CLDN14: variants seen among roughly 807,000 people sequenced by gnomAD.
CLDN14 encodes the protein claudin 14, also known as claudin-14.
In CLDN14, 2 loss-of-function variants were observed where a neutral mutation model predicts 2.1. The observed-to-expected ratio is 0.96, with a 90% CI of 0.39 to 3.01. CLDN14 has a LOEUF of 3.01. Ranked by LOEUF, CLDN14 falls within the 30% of genes most tolerant of loss-of-function variation. The pLI, the probability that CLDN14 is intolerant of heterozygous loss-of-function variation, is 0.09. For missense variants in CLDN14, 298 were observed against 328.0 expected (o/e 0.91, Z 0.71); for synonymous variants, 136 against 154.4 (o/e 0.88, Z 0.88).
chr21:36,560,113 A>G (rs924824626), intron 1 of CLDN14, among the ~76,000 whole-genome samples: 3 of 152,212 alleles, frequency 2.0e-5, no homozygotes, highest in African/African-American at 7.2e-5. Flanking sequence ...GTATGTAATA[A>G]TTGTGAACAA....
rs532695308 is a variant in CLDN14 at position 36,460,679 on chromosome 21, C to G, written c.*297G>C. The G allele has an allele frequency of 8.8e-6, 3 of 342,230 alleles. No homozygotes were observed. Among genetic ancestry groups the G allele is most frequent in the African/African-American group, 6.3e-5 (3 of 47,764 alleles). 21.2% of individuals were successfully genotyped at this position (342,230 alleles called of 1,614,324 possible). ...CTGGATCACAAACCAACCCCACTGA[C>G]CAAACTCCCAAGTCACTTTATATTA... On this transcript the variant is annotated 3_prime_UTR_variant, in exon 2 of 2. Transcript: ENST00000399135. This position sits in a 1 kb window ranked among gnomAD's most constrained non-coding sequence, Gnocchi z 4.0.
rs573588226 is a variant in CLDN14 at position 36,461,481 on chromosome 21, G to A, written c.215C>T (p.Ala72Val). 1.8e-5 allele frequency: 29 copies of A among 1,613,450 alleles called. No homozygotes were observed. The Admixed American group carries it at 2.0e-4, about 11-fold the overall frequency. Residue 72 changes from alanine to valine, a missense_variant, in exon 2 of 2, where the codon GCG (alanine) becomes GTG (valine). Transcript: ENST00000399135. Reference sequence around the variant, plus strand: ...GGCAGCCTGGAGGTCTTGGGGCAGCGCCAGCAGGGATCGGTAGATCTGGCA... The same window carrying A: ...GGCAGCCTGGAGGTCTTGGGGCAGCACCAGCAGGGATCGGTAGATCTGGCA... Reference protein sequence around the residue: ...YQCQIYRSLLALPQDLQAARA... With the variant: ...YQCQIYRSLLVLPQDLQAARA...
At chr21:36,574,606 GT>G (rs35066499) in intron 1 of CLDN14, among the ~76,000 whole-genome samples, 1 of 152,164 alleles carries the variant, frequency 6.6e-6, no homozygotes, top group Non-Finnish European at 1.5e-5. Context: ...GTTCAAAAAT[GT>G]TTTATATCTT....
intron 1 of CLDN14, among the ~76,000 whole-genome samples, chr21:36,562,579 T>A (rs1280113293): frequency 6.6e-6 from 1 of 152,226 alleles, no homozygotes; most frequent in Admixed American, 6.5e-5. Context: ...CCATGTGTCA[T>A]CTTGTGTTTA....
At position 36,553,230 on chromosome 21, in the gene CLDN14, G is replaced by A. The variant is rs936509396; in HGVS notation, c.-220+23181C>T. ...CGAGCTGACCAAGGGCACTGATGGC[G>A]TCTGCTATAGTCTTACCTCTGCCTT... On this transcript the variant is annotated intron_variant, in intron 1 of 2. Coordinates refer to the CLDN14 transcript ENST00000342108. 4.6e-5 allele frequency among the ~76,000 whole-genome samples: 7 copies of A among 152,202 alleles called. No homozygotes were observed. The South Asian group carries it at 6.2e-4, about 13-fold the overall frequency.
intron 1 of CLDN14, among the ~76,000 whole-genome samples, chr21:36,552,888 G>A (rs776965738): frequency 9.9e-5 from 15 of 152,118 alleles, no homozygotes; most frequent in Non-Finnish European, 2.2e-4. Flanking sequence ...TCTTGCTTTG[G>A]GATTTCTGTT....
chr21:36,501,332 CTTTTTTTTTTTTTTTTTTTT>C lies in CLDN14; in HGVS notation c.-82+9011_-82+9030del, dbSNP rs58458004. On this transcript the variant is annotated intron_variant, in intron 2 of 2. Transcript: ENST00000342108. ...AATGGGAGTTTCAGTCAATATCTCA[CTTTTTTTTTTTTTTTTTTTT>C]TTTTTTTTTTTTTTTTAGAAAAGTG... Among the ~76,000 whole-genome samples the C allele has an allele frequency of 8.1e-4, 39 of 48,440 alleles. 3 individuals are homozygous for C. Among genetic ancestry groups the C allele is most frequent in the East Asian group, 1.9e-3 (2 of 1,054 alleles). The allele number at this position is 48,440 out of a possible 152,430, so 31.8% of individuals were successfully genotyped here. A position where few individuals can be genotyped will look rare whatever the true frequency, so the allele number is the denominator to read the frequency against.
intron 1 of CLDN14, among the ~76,000 whole-genome samples, chr21:36,462,267 C>A (rs1289574672): frequency 6.6e-6 from 1 of 152,106 alleles, no homozygotes; most frequent in East Asian, 1.9e-4. Flanking sequence ...AGGTTTAGTC[C>A]CCTCGGCAAG....
In CLDN14 at chr21:36,547,526, G is replaced by A. The variant is rs557263655; in HGVS notation, c.-220+28885C>T. On this transcript the variant is annotated intron_variant, in intron 1 of 2. Coordinates refer to the CLDN14 transcript ENST00000342108. ...CAGACACCTAGTGTGGCTCAGCAGCGCCCGGGCCATTAAGGGAATCAGAAA... is the reference window on the plus strand; with the variant it reads ...CAGACACCTAGTGTGGCTCAGCAGCACCCGGGCCATTAAGGGAATCAGAAA... Among the ~76,000 whole-genome samples, 5 of 152,260 alleles carry A rather than the reference G, an allele frequency of 3.3e-5. No homozygotes were observed. In the South Asian group the frequency reaches 8.3e-4, roughly 25 times the overall value.
At chr21:36,470,315 G>A (rs74276157) in intron 1 of CLDN14, among the ~76,000 whole-genome samples, 6,004 of 152,262 alleles carry the variant, frequency 0.039, 204 homozygotes, top group African/African-American at 0.1. Flanking sequence ...TGGCCCCTAA[G>A]CCAATAGGGC....
intron 1 of CLDN14, among the ~76,000 whole-genome samples, chr21:36,575,869 G>T (rs2087738101): frequency 6.6e-6 from 1 of 152,178 alleles, no homozygotes; most frequent in Non-Finnish European, 1.5e-5. Flanking sequence ...CATAGACCCT[G>T]TATACGACCT....
intron 1 of CLDN14, among the ~76,000 whole-genome samples, chr21:36,469,055 C>T (rs1008548841): frequency 9.2e-5 from 14 of 152,096 alleles, no homozygotes; most frequent in Non-Finnish European, 1.9e-4. Context: ...CCACTGTGCC[C>T]GGACTCAGCT....
intron 1 of CLDN14, among the ~76,000 whole-genome samples, chr21:36,569,401 G>A (rs76718013): frequency 6.7e-6 from 1 of 149,132 alleles, no homozygotes; most frequent in African/African-American, 2.5e-5. Context: ...GGGCAACAGA[G>A]TGAGACTCCG....
intron 2 of CLDN14, among the ~76,000 whole-genome samples, chr21:36,489,004 G>A (rs1040809088): frequency 6.0e-5 from 9 of 151,106 alleles, no homozygotes; most frequent in Non-Finnish European, 1.2e-4. Context: ...CAGCTACTCA[G>A]GAGGCTGAGG....
intron 1 of CLDN14, among the ~76,000 whole-genome samples, chr21:36,537,605 CATTTACA>C (rs151277414): frequency 5.4e-5 from 8 of 149,392 alleles, no homozygotes. Flanking sequence ...GTATCATGAT[CATTTACA>C]ATTTACAATT....
At chr21:36,554,080 T>A (rs451163) in intron 1 of CLDN14, among the ~76,000 whole-genome samples, 114,722 of 152,004 alleles carry the variant, frequency 0.75, 44,741 homozygotes, top group Non-Finnish European at 0.87. Context: ...CCTGCCCAAG[T>A]CCATGCCTCT....
At chr21:36,491,423 G>A (rs545767623) in intron 2 of CLDN14, among the ~76,000 whole-genome samples, 15 of 152,300 alleles carry the variant, frequency 9.8e-5, no homozygotes, top group South Asian at 4.1e-4. Context: ...TGTAGTGCGT[G>A]TCAGCGAGTC....
chr21:36,527,827 C>T (rs1364390891), intron 1 of CLDN14, among the ~76,000 whole-genome samples: 1 of 151,602 alleles, frequency 6.6e-6, no homozygotes. Flanking sequence ...TCTTCTGTAT[C>T]TCAGGGGGAA....
chr21:36,505,429 A>G (rs560068667), intron 2 of CLDN14, among the ~76,000 whole-genome samples: 8 of 152,330 alleles, frequency 5.3e-5, no homozygotes, highest in African/African-American at 1.7e-4. Context: ...ATACTCCTGA[A>G]TAATGTTCTA....
Sources: allele counts gnomAD v4.1 joint callset (sites outside exome capture counted in the v4.1 genomes callset), GRCh38; gene constraint gnomAD v4.1.1; non-coding constraint Gnocchi (gnomAD v3.1); transcripts MANE v1.5; gene names NCBI Gene and HGNC (gene_info 2026-07-23, HGNC 2026-07-21).